STIM1: variants seen among roughly 807,000 people sequenced by gnomAD.
STIM1 encodes the protein stromal interaction molecule 1.
STIM1 carries 25 observed loss-of-function variants against 74.7 expected under a neutral mutation model. The observed-to-expected ratio is 0.33, with a 90% CI of 0.24 to 0.47. STIM1 has a LOEUF of 0.47. STIM1 is among the 20% of genes least tolerant of loss of function. The pLI, the probability that STIM1 is intolerant of heterozygous loss-of-function variation, is 1.00. For synonymous variants in STIM1, 328 were observed against 348.8 expected, an observed-to-expected ratio of 0.94 and a Z score of 0.66; for missense variants, 728 against 920.8, an observed-to-expected ratio of 0.79 and a Z score of 2.71.
chr11:3,992,926 G>T (rs1344774930), intron 2 of STIM1, among the ~76,000 whole-genome samples: 1 of 152,136 alleles, frequency 6.6e-6, no homozygotes, highest in East Asian at 1.9e-4. Flanking sequence ...GGTAAATCCT[G>T]TGGGTTCTCC....
At chr11:4,081,642 C>A (rs1323464526) in intron 7 of STIM1, among the ~76,000 whole-genome samples, 1 of 152,240 alleles carries the variant, frequency 6.6e-6, no homozygotes, top group Non-Finnish European at 1.5e-5. Context: ...CCTGAGATCA[C>A]CCCTTCACTG....
rs57908154 is a variant in STIM1 at position 3,904,196 on chromosome 11, C to CAAAAAAAAAAAAAAAAAA, written c.139+47793_139+47810dup. ...TGGGTGACAGAGTGAGACTCTGTCT[C>CAAAAAAAAAAAAAAAAAA]AAAAAAAAAAAAAAAAAAAAAAAGA... On this transcript the variant is annotated intron_variant, in intron 1 of 12. Transcript: ENST00000526596. 4.9e-4 allele frequency among the ~76,000 whole-genome samples: 36 copies of CAAAAAAAAAAAAAAAAAA among 73,866 alleles called. 1 individual carries two copies. The highest frequency in any genetic ancestry group is 6.3e-4 in the African/African-American group (11 of 17,436). The allele number at this position is 73,866 out of a possible 152,430, so 48.5% of individuals were successfully genotyped here.
At chr11:4,018,575 G>A (rs1181740812) in intron 2 of STIM1, among the ~76,000 whole-genome samples, 5 of 150,952 alleles carry the variant, frequency 3.3e-5, no homozygotes, top group African/African-American at 1.2e-4. Flanking sequence ...AAACTGGGAG[G>A]TGGAGGTTGC....
At chr11:3,911,155 T>A (rs2092556508) in intron 1 of STIM1, among the ~76,000 whole-genome samples, 1 of 152,148 alleles carries the variant, frequency 6.6e-6, no homozygotes. Context: ...AGGATGAGAC[T>A]CCAAAGCATG....
chr11:4,091,999 G>C lies in STIM1; in HGVS notation c.*201G>C. The C allele has an allele frequency of 1.4e-6, 1 of 717,786 alleles. No homozygotes were observed. Among genetic ancestry groups the C allele is most frequent in the Non-Finnish European group, 2.3e-6 (1 of 432,006 alleles). The allele number at this position is 717,786 out of a possible 1,614,324, so 44.5% of individuals were successfully genotyped here. A position where few individuals can be genotyped will look rare whatever the true frequency, so the allele number is the denominator to read the frequency against. On this transcript the variant is annotated 3_prime_UTR_variant, in exon 13 of 13. Coordinates refer to ENST00000526596, the MANE Select transcript of STIM1 (RefSeq NM_001382567.1). The stretch of plus-strand genomic sequence containing the variant: ...ATTAACTGACCACCATGGCCTGCCT[G>C]CCCTGCCTCCGTCCCAACCATGGGC...
chr11:4,030,649 A>G (rs181447674), intron 3 of STIM1, among the ~76,000 whole-genome samples: 362 of 152,302 alleles, frequency 2.4e-3, no homozygotes, highest in African/African-American at 8.5e-3. Flanking sequence ...TTTCCCTTAC[A>G]TTCTTTCAGA....
At chr11:3,909,822 T>A (rs2092532312) in intron 1 of STIM1, among the ~76,000 whole-genome samples, 2 of 150,654 alleles carry the variant, frequency 1.3e-5, no homozygotes, top group Admixed American at 1.3e-4. Flanking sequence ...AAAAAAGTCA[T>A]CTTGTGGTAT....
At chr11:3,956,823 C>CAAAAA (rs78285130) in intron 1 of STIM1, among the ~76,000 whole-genome samples, 4,741 of 38,176 alleles carry the variant, frequency 0.12, 807 homozygotes, top group South Asian at 0.22. Context: ...ACCCTGTCTC[C>CAAAAA]AAAAAAAAAA....
intron 1 of STIM1, among the ~76,000 whole-genome samples, chr11:3,914,683 G>A (rs964467806): frequency 1.6e-4 from 24 of 152,180 alleles, no homozygotes; most frequent in African/African-American, 5.5e-4. Context: ...CTCGTGATCC[G>A]CCCGCCTCGG....
At chr11:3,892,288 G>A (rs2135382138) in intron 1 of STIM1, 1 of 717,476 alleles carries the variant, frequency 1.4e-6, no homozygotes, top group Non-Finnish European at 2.4e-6. Context: ...TGCAGCAAGA[G>A]CACAAAGATT....
intron 5 of STIM1, among the ~76,000 whole-genome samples, chr11:4,068,900 T>C (rs1024555487): frequency 6.6e-6 from 1 of 152,254 alleles, no homozygotes; most frequent in South Asian, 2.1e-4. Context: ...TGGGTCCTTT[T>C]GGATTTCCAC....
chr11:3,990,928 A>T (rs958744352), intron 2 of STIM1, among the ~76,000 whole-genome samples: 4 of 152,150 alleles, frequency 2.6e-5, no homozygotes, highest in African/African-American at 9.7e-5. Context: ...TGACCGTAGC[A>T]TCCAATGGGA....
At chr11:4,062,470 A>T (rs1353153252) in intron 5 of STIM1, among the ~76,000 whole-genome samples, 1 of 152,154 alleles carries the variant, frequency 6.6e-6, no homozygotes, top group African/African-American at 2.4e-5. Context: ...AAAAATACAA[A>T]AATTAGCCGG....
rs1347856321 is a variant in STIM1 at position 4,055,581 on chromosome 11, G to C, written c.441G>C (p.Leu147=). 1 of 1,600,884 alleles carries C rather than the reference G, an allele frequency of 6.2e-7. No homozygotes were observed. Among genetic ancestry groups the C allele is most frequent in the Admixed American group, 1.7e-5 (1 of 58,476 alleles). Residue 147 remains leucine, a synonymous_variant, in exon 4 of 13, where the codon CTG becomes CTC. Transcript: ENST00000526596. ...VVQWLITYVE[L]PQYEETFRKL... ...AGTGGCTGATCACATATGTGGAGCT[G>C]CCTCAGTATGAGGAGACCTTCCGGA...
intron 1 of STIM1, among the ~76,000 whole-genome samples, chr11:3,878,081 G>T (rs955620074): frequency 6.6e-6 from 1 of 152,152 alleles, no homozygotes; most frequent in Admixed American, 6.5e-5. Context: ...GGGGTTAAAT[G>T]GGCCTGGTGC....
chr11:3,924,355 C>T lies in STIM1; in HGVS notation c.140-43197C>T, dbSNP rs377405158. Among the ~76,000 whole-genome samples the T allele has an allele frequency of 1.9e-4, 29 of 151,292 alleles. No homozygotes were observed. The Admixed American group carries it at 1.9e-3, about 10-fold the overall frequency. On this transcript the variant is annotated intron_variant, in intron 1 of 12. Coordinates refer to ENST00000526596, the MANE Select transcript of STIM1 (RefSeq NM_001382567.1). ...CTGGGACTACAGGCGCCCACCACCA[C>T]GCCCGGCTAATTTTTTGTATTTTTA... is the stretch of plus-strand genomic sequence containing the variant.
intron 1 of STIM1, among the ~76,000 whole-genome samples, chr11:3,894,031 C>T (rs1474602448): frequency 6.6e-6 from 1 of 152,074 alleles, no homozygotes; most frequent in Non-Finnish European, 1.5e-5. Context: ...CTGCCCACCT[C>T]CCGAAATGTT....
At chr11:3,874,901 G>C (rs898569516) in intron 1 of STIM1, among the ~76,000 whole-genome samples, 2 of 151,764 alleles carry the variant, frequency 1.3e-5, no homozygotes, top group Admixed American at 6.6e-5. Flanking sequence ...GTGTCTTTCT[G>C]ATTTGCCCAG....
At chr11:3,896,807 T>C (rs1206627786) in intron 1 of STIM1, among the ~76,000 whole-genome samples, 1 of 152,196 alleles carries the variant, frequency 6.6e-6, no homozygotes, top group Non-Finnish European at 1.5e-5. Flanking sequence ...ACTATAGTAC[T>C]ATATGCTAGC....
Sources: gnomAD v4.1 joint callset for allele counts (sites outside exome capture counted in the v4.1 genomes callset) on GRCh38, gnomAD v4.1.1 for gene constraint, MANE v1.5 for transcripts, NCBI Gene and HGNC (gene_info 2026-07-23, HGNC 2026-07-21) for gene names.